The following TACC1 variants were observed in gnomAD, a reference collection of about 807,000 sequenced individuals.
The protein encoded by TACC1 is transforming acidic coiled-coil containing protein 1, also known as transforming acidic coiled-coil-containing protein 1.
A neutral mutation model predicts 84.4 loss-of-function variants in TACC1; 48 were observed. That is an observed-to-expected ratio of 0.57 (90% CI 0.45 to 0.72). The LOEUF is 0.72. TACC1 is among the 30% of genes least tolerant of loss of function. TACC1 has a pLI of 0.00. For synonymous variants in TACC1, 372 were observed against 376.3 expected (o/e 0.99, Z 0.13); for missense variants, 920 against 973.0 (o/e 0.95, Z 0.72).
At chr8:38,757,690 C>T (rs62505793) in intron 3 of TACC1, among the ~76,000 whole-genome samples, 28,960 of 151,780 alleles carry the variant, frequency 0.19, 3,294 homozygotes, top group Non-Finnish European at 0.26. Flanking sequence ...ACAAGGGGAC[C>T]CCGGCCTCGT....
At chr8:38,807,712 A>G in intron 2 of TACC1, among the ~76,000 whole-genome samples, 1 of 152,230 alleles carries the variant, frequency 6.6e-6, no homozygotes, top group Non-Finnish European at 1.5e-5. Context: ...TTTTGTGATA[A>G]CATTTCCCCT....
At chr8:38,818,259 T>A (rs1825883620) in intron 2 of TACC1, among the ~76,000 whole-genome samples, 1 of 152,000 alleles carries the variant, frequency 6.6e-6, no homozygotes, top group Non-Finnish European at 1.5e-5. Flanking sequence ...AAACTATAGC[T>A]ATGATATTCC....
upstream of TACC1, among the ~76,000 whole-genome samples, chr8:38,786,661 G>A (rs1012143385): frequency 2.6e-5 from 4 of 152,114 alleles, no homozygotes; most frequent in African/African-American, 9.7e-5. Context: ...GCGGTTTGGG[G>A]AGGGGGAGGG....
At chr8:38,745,602 G>A (rs1807933971) in intron 3 of TACC1, 2 of 598,472 alleles carry the variant, frequency 3.3e-6, no homozygotes, top group Middle Eastern at 9.0e-4. Context: ...GGAGTGCAGT[G>A]GCGCAATCTT....
intron 1 of TACC1, among the ~76,000 whole-genome samples, chr8:38,730,243 G>A (rs1804655733): frequency 6.6e-6 from 1 of 152,224 alleles, no homozygotes. Context: ...GAACCCGCTG[G>A]AGGTGGGAGT....
intron 3 of TACC1, among the ~76,000 whole-genome samples, chr8:38,769,700 TTG>T (rs1372341895): frequency 1.3e-5 from 1 of 77,692 alleles, no homozygotes; most frequent in Non-Finnish European, 2.6e-5. Context: ...GTGTGTGTGA[TTG>T]TGTGTGTGGT....
At chr8:38,837,130 A>G (rs189239206) in intron 7 of TACC1, among the ~76,000 whole-genome samples, 46 of 141,868 alleles carry the variant, frequency 3.2e-4, no homozygotes, top group African/African-American at 1.2e-3. Flanking sequence ...TTTTTGAGAT[A>G]AAATCTTGGC....
At chr8:38,814,865 T>C (rs1004001845) in intron 2 of TACC1, among the ~76,000 whole-genome samples, 2 of 152,192 alleles carry the variant, frequency 1.3e-5, no homozygotes, top group Non-Finnish European at 2.9e-5. Context: ...ATAGGCTAAT[T>C]AGTTTATGGG....
intron 2 of TACC1, among the ~76,000 whole-genome samples, chr8:38,804,299 A>AT (rs995884336): frequency 1.1e-3 from 161 of 148,298 alleles, no homozygotes; most frequent in African/African-American, 2.8e-3. Flanking sequence ...CACTGTTGCA[A>AT]TTTTTTTTTT....
At chr8:38,758,188 T>A (rs1810483435) in intron 3 of TACC1, among the ~76,000 whole-genome samples, 1 of 152,200 alleles carries the variant, frequency 6.6e-6, no homozygotes, top group Non-Finnish European at 1.5e-5. Context: ...ACTCTTTATT[T>A]TAATTCAGCC....
At chr8:38,770,314 C>G (rs866418309) in intron 3 of TACC1, among the ~76,000 whole-genome samples, 5 of 152,058 alleles carry the variant, frequency 3.3e-5, no homozygotes, top group Admixed American at 6.6e-5. Flanking sequence ...GCAGACCTCT[C>G]CCTAGGGGCT....
At chr8:38,844,749 A>C (rs1831896109) in intron 11 of TACC1, 1 of 152,176 alleles carries the variant, frequency 6.6e-6, no homozygotes, top group African/African-American at 2.4e-5. Flanking sequence ...ATGTGCTGAA[A>C]TGTATTAGTC....
chr8:38,843,446 TTGAGAGAGGAAAACA>T (rs1162747395), intron 11 of TACC1, 51 bp downstream of exon 11: 1 of 1,389,946 alleles, frequency 7.2e-7, no homozygotes. Context: ...TGTGGGAAGA[TTGAGAGAGGAAAACA>T]AAATCACTGT....
chr8:38,801,719 A>G (rs1282482042), intron 2 of TACC1, among the ~76,000 whole-genome samples: 1 of 152,204 alleles, frequency 6.6e-6, no homozygotes, highest in Non-Finnish European at 1.5e-5. Context: ...GCATTTCTAT[A>G]TGAATTTTAG....
At chr8:38,757,233 C>CCCCCCCCAAAA in intron 3 of TACC1, 2 of 516,058 alleles carry the variant, frequency 3.9e-6, no homozygotes, top group Non-Finnish European at 5.5e-6. Flanking sequence ...TCCCTCGCCC[C>CCCCCCCCAAAA]ACCCTTCCTC....
upstream of TACC1, among the ~76,000 whole-genome samples, chr8:38,785,206 C>T (rs1049855924): frequency 6.6e-6 from 1 of 152,086 alleles, no homozygotes; most frequent in South Asian, 2.1e-4. Context: ...AGACTGTTCC[C>T]GAAGCAGTAA....
At chr8:38,781,294 A>G (rs1461100267) in intron 3 of TACC1, among the ~76,000 whole-genome samples, 1 of 152,214 alleles carries the variant, frequency 6.6e-6, no homozygotes, top group Non-Finnish European at 1.5e-5. Context: ...CTACTAATCC[A>G]TAAGGATGCA....
At chr8:38,789,571 T>C (rs1420164733) in intron 2 of TACC1, among the ~76,000 whole-genome samples, 1 of 152,154 alleles carries the variant, frequency 6.6e-6, no homozygotes, top group Non-Finnish European at 1.5e-5. Flanking sequence ...TGTGAAGCAC[T>C]GTGGAGAAAA....
In TACC1 at chr8:38,781,978, AT is replaced by A. The variant is rs532980632; in HGVS notation, c.27-6718del. Among the ~76,000 whole-genome samples, 1,073 of 145,046 alleles carry A rather than the reference AT, an allele frequency of 7.4e-3. 15 individuals carry two copies. Among genetic ancestry groups the A allele is most frequent in the African/African-American group, 0.025 (960 of 39,166 alleles). ...ATTTTTTACATTCTTGTAAATCTTT[AT>A]TTTTTTTATTTTTTATTATTTTTTT... On this transcript the variant is annotated intron_variant, in intron 3 of 14. Coordinates refer to the TACC1 transcript ENST00000518415.
Sources: allele counts gnomAD v4.1 joint callset (sites outside exome capture counted in the v4.1 genomes callset), GRCh38; gene constraint gnomAD v4.1.1; transcripts MANE v1.5; gene names NCBI Gene and HGNC (gene_info 2026-07-23, HGNC 2026-07-21).